ZNF75D: variants seen among roughly 807,000 people sequenced by gnomAD.
ZNF75D encodes zinc finger protein 75.
A neutral mutation model predicts 33.3 loss-of-function variants in ZNF75D; 33 were observed. That is an observed-to-expected ratio of 0.99 (90% CI 0.75 to 1.32). The LOEUF (loss-of-function observed/expected upper bound fraction) is 1.32. Among genes scored for constraint, ZNF75D ranks in the 40% most tolerant of loss-of-function variants. ZNF75D has a pLI of 0.00. For missense variants in ZNF75D, 338 were observed against 367.5 expected (o/e 0.92, Z 0.66); for synonymous variants, 113 against 130.6 (o/e 0.87, Z 0.92).
At chrX:135,283,679 T>A (rs1556418900), downstream of ZNF75D, among the ~76,000 whole-genome samples, 1 of 111,641 alleles carries the variant, frequency 9.0e-6, no homozygotes, top group Non-Finnish European at 1.9e-5. Context: ...TCTCCTTCCC[T>A]GAAAGAATGG....
At chrX:135,281,859 G>A (rs541419057), downstream of ZNF75D, among the ~76,000 whole-genome samples, 2 of 112,349 alleles carry the variant, frequency 1.8e-5, no homozygotes, top group South Asian at 7.3e-4. Flanking sequence ...CCTTCCTCTA[G>A]AAGCTTTGTC....
At chrX:135,259,233 C>T (rs1261798279) in intron 1 of ZNF75D, among the ~76,000 whole-genome samples, 2 of 111,760 alleles carry the variant, frequency 1.8e-5, no homozygotes, top group African/African-American at 6.5e-5. Flanking sequence ...TAGTGTGATG[C>T]CTCCAGCTTT....
chrX:135,267,620 G>A lies in ZNF75D; in HGVS notation n.828-11843C>T, dbSNP rs782347337. ...ACAAGTAAGGAGCAAAAAGCTGTCAGGAAAAGTGTCCCAGCAAAGAAAAAT... is the reference window on the plus strand; with the variant it reads ...ACAAGTAAGGAGCAAAAAGCTGTCAAGAAAAGTGTCCCAGCAAAGAAAAAT... On this transcript the variant is annotated intron_variant and non_coding_transcript_variant, in intron 1 of 3. Coordinates refer to the ZNF75D transcript ENST00000494295. 2.7e-4 allele frequency among the ~76,000 whole-genome samples: 30 copies of A among 111,071 alleles called. No homozygotes were observed. In the South Asian group the frequency reaches 4.5e-3, roughly 17 times the overall value.
At chrX:135,289,627 GACACAC>G (rs60550937) in intron 6 of ZNF75D, among the ~76,000 whole-genome samples, 20,105 of 88,574 alleles carry the variant, frequency 0.23, 1,959 homozygotes, top group South Asian at 0.37. Flanking sequence ...CACACACACA[GACACAC>G]ACACACACAC....
chrX:135,336,815 G>C (rs2084717615), intron 1 of ZNF75D, among the ~76,000 whole-genome samples: 2 of 112,438 alleles, frequency 1.8e-5, no homozygotes, highest in Non-Finnish European at 3.8e-5. Flanking sequence ...AACCACAGGA[G>C]CCTTTGTTCG....
At chrX:135,264,521 A>G (rs1436890860) in intron 1 of ZNF75D, among the ~76,000 whole-genome samples, 1 of 111,949 alleles carries the variant, frequency 8.9e-6, no homozygotes, top group East Asian at 2.8e-4. Context: ...CCAGAAAAAC[A>G]AGACCTAAAC....
At chrX:135,273,350 G>A (rs113013146) in intron 1 of ZNF75D, among the ~76,000 whole-genome samples, 1,149 of 111,140 alleles carry the variant, frequency 0.01, 17 homozygotes, top group African/African-American at 0.034. Flanking sequence ...AGCTCAGGGC[G>A]AACTCACACA....
intron 1 of ZNF75D, among the ~76,000 whole-genome samples, chrX:135,260,821 T>G (rs2083837749): frequency 8.9e-6 from 1 of 112,018 alleles, no homozygotes; most frequent in African/African-American, 3.2e-5. Context: ...TGATCTTAGT[T>G]ATTTCTTGCC....
chrX:135,304,546 C>G (rs1238221491), intron 1 of ZNF75D, among the ~76,000 whole-genome samples: 1 of 111,306 alleles, frequency 9.0e-6, no homozygotes, highest in Non-Finnish European at 1.9e-5. Flanking sequence ...GTGCCCAACA[C>G]CCAGCATGGC....
intron 5 of ZNF75D, 155 bp from the exon 6 acceptor site, chrX:135,291,290 G>T: frequency 1.2e-6 from 1 of 815,136 alleles, no homozygotes; most frequent in Non-Finnish European, 1.8e-6. Context: ...GGAGCAAAGA[G>T]GATCAGTAAA....
At chrX:135,333,206 C>A (rs1335026945) in intron 1 of ZNF75D, among the ~76,000 whole-genome samples, 1 of 111,591 alleles carries the variant, frequency 9.0e-6, no homozygotes, top group Non-Finnish European at 1.9e-5. Flanking sequence ...CAGAGAAATT[C>A]TTGGTGCAGG....
chrX:135,291,882 T>C (rs1440261681), intron 4 of ZNF75D, among the ~76,000 whole-genome samples: 1 of 112,485 alleles, frequency 8.9e-6, no homozygotes, highest in Admixed American at 9.3e-5. Context: ...GGTCCTCCAG[T>C]GTACAGTAGG....
intron 1 of ZNF75D, among the ~76,000 whole-genome samples, chrX:135,328,954 C>T (rs2084617107): frequency 8.9e-6 from 1 of 112,328 alleles, no homozygotes; most frequent in Non-Finnish European, 1.9e-5. Context: ...AAATCTGTAC[C>T]TCTGAAGAAT....
rs1345896330 is a variant in ZNF75D, at chrX:135,342,710, A to T, written c.-1333T>A. On this transcript the variant is annotated 5_prime_UTR_variant, in exon 1 of 7. Transcript: ENST00000370766. ...ACTGAGACCCATCTCTGCAGAGGAGACCAGACTGCTGCCCCTAACCTAACA... is the reference window on the plus strand; with the variant it reads ...ACTGAGACCCATCTCTGCAGAGGAGTCCAGACTGCTGCCCCTAACCTAACA... The T allele has an allele frequency of 8.9e-6, 1 of 112,068 alleles. No homozygotes were observed. The highest frequency in any genetic ancestry group is 2.8e-4 in the East Asian group (1 of 3,582). The allele number at this position is 112,068 out of a possible 1,213,427, so 9.2% of individuals were successfully genotyped here. A position where few individuals can be genotyped will look rare whatever the true frequency, so the allele number is the denominator to read the frequency against.
At chrX:135,341,704 G>A (rs189938468) in intron 1 of ZNF75D, 64 bp downstream of exon 1, 1 of 112,280 alleles carries the variant, frequency 8.9e-6, no homozygotes, top group East Asian at 2.8e-4. Flanking sequence ...CTCCTAGAGA[G>A]ATTGCAAGAG....
chrX:135,293,697 T>A, intron 3 of ZNF75D, 33 bp downstream of exon 3: 1 of 1,134,591 alleles, frequency 8.8e-7, no homozygotes, highest in Non-Finnish European at 1.2e-6. Flanking sequence ...TTTATCCTAC[T>A]TCATTGTACA....
chrX:135,268,779 A>G (rs1406561963), intron 1 of ZNF75D, among the ~76,000 whole-genome samples: 1 of 111,889 alleles, frequency 8.9e-6, no homozygotes, highest in Admixed American at 9.5e-5. Flanking sequence ...CAAAAGACCC[A>G]GAAGAGCCAA....
chrX:135,249,581 A>G (rs2083773426), intron 3 of ZNF75D, among the ~76,000 whole-genome samples: 1 of 108,329 alleles, frequency 9.2e-6, no homozygotes, highest in South Asian at 4.1e-4. Context: ...GTCCAGAATG[A>G]CAAGCCACCC....
chrX:135,281,462 A>G (rs1272166679), downstream of ZNF75D, among the ~76,000 whole-genome samples: 1 of 110,347 alleles, frequency 9.1e-6, no homozygotes, highest in Non-Finnish European at 1.9e-5. Context: ...GTTTGTTGTT[A>G]CCCACCTTCT....
Sources: allele counts gnomAD v4.1 joint callset (sites outside exome capture counted in the v4.1 genomes callset), GRCh38; gene constraint gnomAD v4.1.1; transcripts MANE v1.5; gene names NCBI Gene and HGNC (gene_info 2026-07-23, HGNC 2026-07-21).